The following LAMA4 variants were observed in gnomAD, a reference collection of about 807,000 sequenced individuals.
The protein encoded by LAMA4 is laminin subunit alpha-4.
In LAMA4, 127 loss-of-function variants were observed where a neutral mutation model predicts 207.1. The observed-to-expected ratio is 0.61, with a 90% CI of 0.53 to 0.71. The LOEUF (loss-of-function observed/expected upper bound fraction) is 0.71. Ranked by LOEUF, LAMA4 falls within the 30% of genes least tolerant of loss-of-function variation. The pLI, the probability that LAMA4 is intolerant of heterozygous loss-of-function variation, is 0.00. For missense variants in LAMA4, 2,093 were observed against 2,246.5 expected, an observed-to-expected ratio of 0.93 and a Z score of 1.38; for synonymous variants, 761 against 816.0, an observed-to-expected ratio of 0.93 and a Z score of 1.15.
chr6:112,150,313 G>A (rs1780316115), intron 17 of LAMA4, 198 bp downstream of exon 17: 1 of 617,132 alleles, frequency 1.6e-6, no homozygotes, highest in Admixed American at 2.4e-5. Context: ...TCTACGTGGT[G>A]TGATTACAGC....
intron 12 of LAMA4, among the ~76,000 whole-genome samples, chr6:112,170,967 T>C (rs1180198545): frequency 2.0e-5 from 3 of 152,060 alleles, no homozygotes; most frequent in Admixed American, 6.5e-5. Context: ...ACCTAATGTG[T>C]GAGGCAGAGA....
At chr6:112,112,956 T>G (rs11961355) in intron 38 of LAMA4, among the ~76,000 whole-genome samples, 38,529 of 151,948 alleles carry the variant, frequency 0.25, 4,898 homozygotes, top group East Asian at 0.32. Flanking sequence ...ATACATGAGC[T>G]TAAGAAGTAA....
chr6:112,154,662 T>G (rs1780596472), intron 16 of LAMA4, 189 bp downstream of exon 16: 1 of 612,952 alleles, frequency 1.6e-6, no homozygotes, highest in African/African-American at 1.8e-5. Context: ...TAGCATTTTT[T>G]TTTTCAATCA....
intron 12 of LAMA4, among the ~76,000 whole-genome samples, chr6:112,165,663 T>C (rs1486448198): frequency 6.6e-6 from 1 of 152,200 alleles, no homozygotes; most frequent in Non-Finnish European, 1.5e-5. Flanking sequence ...AAAGTATTTA[T>C]CATGTGCCAG....
rs782152767 is a variant in LAMA4, at chr6:112,139,843, C to G, written c.3019G>C (p.Glu1007Gln). Residue 1007 changes from glutamate to glutamine, a missense_variant, in exon 23 of 39, where the codon GAA becomes CAA. This residue lies in a region of LAMA4 where 1,704 missense variants were observed against 1,788.4 expected (regional missense o/e 0.95). Coordinates refer to ENST00000230538, the MANE Select transcript of LAMA4 (RefSeq NM_001105206.3). ...ACATCATTATTCAAAGTGGCCAGTT[C>G]CAGGCAGCCAACAAAGCCAGGCAGG... is the stretch of plus-strand genomic sequence containing the variant. The part of the protein sequence containing the change: ...LNLPGFVGCL[E>Q]LATLNNDVIS... The G allele has an allele frequency of 6.2e-7, 1 of 1,614,018 alleles. No individual in the cohort carries two copies. Among genetic ancestry groups the G allele is most frequent in the African/African-American group, 1.3e-5 (1 of 75,028 alleles).
At chr6:112,187,797 C>T (rs1782783222) in intron 7 of LAMA4, among the ~76,000 whole-genome samples, 196 bp from the exon 8 acceptor site, 2 of 152,102 alleles carry the variant, frequency 1.3e-5, no homozygotes, top group South Asian at 2.1e-4. Context: ...TGGCTAGACG[C>T]TCCTCCTCTC....
chr6:112,188,789 G>A (rs1782844538), intron 7 of LAMA4: 2 of 293,326 alleles, frequency 6.8e-6, no homozygotes, highest in African/African-American at 2.1e-5. Context: ...CTGAAGAGAC[G>A]ATATAGGAAA....
At chr6:112,223,852 A>G (rs1583938195) in intron 2 of LAMA4, among the ~76,000 whole-genome samples, 1 of 152,176 alleles carries the variant, frequency 6.6e-6, no homozygotes, top group African/African-American at 2.4e-5. Flanking sequence ...TGTATCCCAA[A>G]CTTCTATTGT....
At chr6:112,124,891 G>C (rs1189855083) in intron 31 of LAMA4, among the ~76,000 whole-genome samples, 2 of 151,984 alleles carry the variant, frequency 1.3e-5, no homozygotes, top group African/African-American at 2.4e-5. Context: ...CGAGTAGCTG[G>C]GATTACAGGC....
chr6:112,237,816 AGGCCTCCTTAG>A (rs1786045986), intron 2 of LAMA4, among the ~76,000 whole-genome samples: 1 of 152,238 alleles, frequency 6.6e-6, no homozygotes, highest in South Asian at 2.1e-4. Context: ...ATCCAAATCC[AGGCCTCCTTAG>A]GCCCTCCTGG....
At chr6:112,138,861 C>T (rs1197703683) in intron 24 of LAMA4, among the ~76,000 whole-genome samples, 1 of 152,156 alleles carries the variant, frequency 6.6e-6, no homozygotes, top group Non-Finnish European at 1.5e-5. Context: ...CCCTGCTCAT[C>T]TAGATCTTGG....
intron 2 of LAMA4, among the ~76,000 whole-genome samples, chr6:112,231,427 G>A (rs1554364418): frequency 6.6e-6 from 1 of 152,086 alleles, no homozygotes; most frequent in Non-Finnish European, 1.5e-5. Context: ...TTTGACATAT[G>A]GCAATTATTC....
chr6:112,223,759 A>G (rs782683874), intron 2 of LAMA4, among the ~76,000 whole-genome samples: 1 of 152,198 alleles, frequency 6.6e-6, no homozygotes, highest in Non-Finnish European at 1.5e-5. Context: ...CTGGCAGGAC[A>G]TGTCTTTCCT....
At chr6:112,158,558 A>AACCG (rs1246367612) in intron 14 of LAMA4, among the ~76,000 whole-genome samples, 174 bp downstream of exon 14, 2 of 152,084 alleles carry the variant, frequency 1.3e-5, no homozygotes, top group African/African-American at 4.8e-5. Context: ...CCAACCAACC[A>AACCG]ACCAACCAAG....
chr6:112,131,317 C>T (rs1442742939), intron 28 of LAMA4, among the ~76,000 whole-genome samples: 1 of 152,074 alleles, frequency 6.6e-6, no homozygotes, highest in East Asian at 1.9e-4. Flanking sequence ...AATGTATCTC[C>T]TATATTTCCA....
At chr6:112,212,872 C>T (rs1219946820) in intron 3 of LAMA4, among the ~76,000 whole-genome samples, 1 of 152,118 alleles carries the variant, frequency 6.6e-6, no homozygotes, top group Admixed American at 6.6e-5. Flanking sequence ...CTTACAGGGA[C>T]TTATATGGTT....
chr6:112,114,093 A>G lies in LAMA4; in HGVS notation c.5309T>C (p.Phe1770Ser), dbSNP rs782498118. 6 of 1,613,900 alleles carry G rather than the reference A, an allele frequency of 3.7e-6. No homozygotes were observed. The highest frequency in any genetic ancestry group is 5.1e-6 in the Non-Finnish European group (6 of 1,179,856). The stretch of plus-strand genomic sequence containing the variant: ...ACACTTACCTGGAACACCTCCAACA[A>G]ACACAGGCTCCCTGTGATCAATTGG... ...PKPIDHREPVFVGGVPESLLT... is the reference protein window; with the variant it reads ...PKPIDHREPVSVGGVPESLLT... Residue 1770 changes from phenylalanine to serine, a missense_variant, in exon 38 of 39, where the codon TTT becomes TCT. Physicochemically the swap from Phe to Ser is radical, Grantham distance 155. This residue lies in a region of LAMA4 where 383 missense variants were observed against 437.8 expected (regional missense o/e 0.87). Transcript: ENST00000230538.
chr6:112,252,816 A>G (rs889259992), intron 2 of LAMA4, among the ~76,000 whole-genome samples: 50 of 152,190 alleles, frequency 3.3e-4, no homozygotes, highest in African/African-American at 1.2e-3. Context: ...TATGAAGTTG[A>G]CCAGAAGCCA....
intron 19 of LAMA4, among the ~76,000 whole-genome samples, chr6:112,144,566 C>T (rs147056197): frequency 1.3e-5 from 2 of 152,322 alleles, no homozygotes; most frequent in East Asian, 3.9e-4. Flanking sequence ...CATACAGGTA[C>T]TGAGCCCTTT....
Sources: allele counts gnomAD v4.1 joint callset (sites outside exome capture counted in the v4.1 genomes callset), GRCh38; gene constraint gnomAD v4.1.1; regional missense constraint gnomAD v4.1.1; transcripts MANE v1.5; gene names NCBI Gene and HGNC (gene_info 2026-07-23, HGNC 2026-07-21).